Variants in NBL1 observed in about 807,000 individuals in gnomAD.
NBL1 encodes the protein NBL1, DAN family BMP antagonist, also known as neuroblastoma suppressor of tumorigenicity 1.
NBL1 carries 9 observed loss-of-function variants against 16.0 expected under a neutral mutation model. That is an observed-to-expected ratio of 0.56 (90% CI 0.34 to 0.98). NBL1 has a LOEUF of 0.98. Ranked by LOEUF, NBL1 falls within the 50% of genes least tolerant of loss-of-function variation. The probability of loss-of-function intolerance (pLI) is 0.02; values close to 1 mark genes in which losing one functional copy is unlikely to be tolerated. For missense variants in NBL1, 196 were observed against 243.1 expected (o/e 0.81, Z 1.29); for synonymous variants, 86 against 100.7 (o/e 0.85, Z 0.87).
Position 19,657,973 on chromosome 1 carries a change from G to A in NBL1, c.*844G>A, listed in dbSNP as rs1388735392. The A allele has an allele frequency of 6.5e-6, 1 of 152,892 alleles. No homozygotes were observed. Among genetic ancestry groups the A allele is most frequent in the Non-Finnish European group, 1.5e-5 (1 of 68,316 alleles). 9.5% of individuals were successfully genotyped at this position (152,892 alleles called of 1,614,324 possible). ...CTAGGCCCCCCAGAAAGCTGCCAGAGCCGGCCGCCTTCTCCCCTCTCCCAG... is the reference window on the plus strand; with the variant it reads ...CTAGGCCCCCCAGAAAGCTGCCAGAACCGGCCGCCTTCTCCCCTCTCCCAG... On this transcript the variant is annotated 3_prime_UTR_variant, in exon 4 of 4. Transcript: ENST00000375136.
chr1:19,643,410 T>C, upstream of NBL1: 1 of 1,613,332 alleles, frequency 6.2e-7, no homozygotes, highest in Non-Finnish European at 8.5e-7. The surrounding 1 kb of genome is among the most constrained non-coding windows in gnomAD (Gnocchi z 4.7). Flanking sequence ...AACTATGCTG[T>C]AAAGCAAAAT....
intron 1 of NBL1, among the ~76,000 whole-genome samples, chr1:19,649,969 GTTTTCTTTTC>G (rs111903141): frequency 2.0e-4 from 31 of 151,734 alleles, no homozygotes; most frequent in East Asian, 1.9e-3. Context: ...CCTACTTTAC[GTTTTCTTTTC>G]TTTTCTTTTC....
In NBL1 at chr1:19,644,839, G is replaced by A. The variant is rs912456276; in HGVS notation, c.-20+393G>A. 2.6e-5 allele frequency among the ~76,000 whole-genome samples: 4 copies of A among 152,064 alleles called. No individual in the cohort carries two copies. Among genetic ancestry groups the A allele is most frequent in the African/African-American group, 9.7e-5 (4 of 41,430 alleles). On this transcript the variant is annotated intron_variant, in intron 1 of 3. Coordinates refer to ENST00000375136, the MANE Select transcript of NBL1 (RefSeq NM_005380.8). The surrounding 1 kb of genome is among the most constrained non-coding windows in gnomAD (Gnocchi z 4.6). ...GGGCCTCGCCGCGCCGCGCCTCTCG[G>A]CTCTGGACGTTTCCGCCTCCCGCGG...
chr1:19,645,880 C>T, intron 1 of NBL1: 2 of 1,539,156 alleles, frequency 1.3e-6, no homozygotes, highest in Admixed American at 4.0e-5. Flanking sequence ...CACCCACAAC[C>T]TCAAGGGTCG....
At chr1:19,644,258 G>A (rs2094963740), upstream of NBL1, 15 of 978,870 alleles carry the variant, frequency 1.5e-5, no homozygotes, top group Non-Finnish European at 1.8e-5. The surrounding 1 kb of genome is among the most constrained non-coding windows in gnomAD (Gnocchi z 4.6). Context: ...TGTTTGGAGG[G>A]AGCCACCCTG....
rs540396919 is a variant in NBL1, at chr1:19,655,275, C to A, written c.171-49C>A. 1.3e-5 allele frequency: 21 copies of A among 1,612,474 alleles called. No homozygotes were observed. In the South Asian group the frequency reaches 2.2e-4, roughly 17 times the overall value. ...GAGGAAGAGGACCAGGGCTGCCCAT[C>A]CCTGCCTCCCCAACAGTGACACAGG... On this transcript the variant is annotated intron_variant, in intron 2 of 3. Coordinates refer to ENST00000375136, the MANE Select transcript of NBL1 (RefSeq NM_005380.8).
chr1:19,645,296 C>T (rs1045484051), intron 1 of NBL1: 34 of 919,870 alleles, frequency 3.7e-5, no homozygotes, highest in Admixed American at 1.8e-4. Context: ...ATTCCACCCC[C>T]GCGAGGCCGG....
intron 1 of NBL1, among the ~76,000 whole-genome samples, chr1:19,645,045 CTG>C (rs1271085183): frequency 1.3e-5 from 2 of 152,064 alleles, no homozygotes; most frequent in African/African-American, 4.8e-5. Context: ...GCGCTGCCCT[CTG>C]TGGGGGTCTC....
At chr1:19,649,649 C>T (rs748400333) in intron 1 of NBL1, among the ~76,000 whole-genome samples, 5 of 152,032 alleles carry the variant, frequency 3.3e-5, no homozygotes, top group South Asian at 2.1e-4. Flanking sequence ...TGAGCCACTG[C>T]GCCTGGCCTC....
chr1:19,644,474 G>C lies in NBL1; in HGVS notation c.-20+28G>C. 1.0e-6 allele frequency: 1 copy of C among 978,132 alleles called. No individual in the cohort carries two copies. The highest frequency in any genetic ancestry group is 1.2e-6 in the Non-Finnish European group (1 of 826,260). 60.6% of individuals were successfully genotyped at this position (978,132 alleles called of 1,614,324 possible). ...AAGTCCCGCCCGGGTCGGCACGCGG[G>C]CGCCCGGCTTCCAGAGGCTTCGGCC... On this transcript the variant is annotated intron_variant, in intron 1 of 3. Transcript: ENST00000375136. This position sits in a 1 kb window ranked among gnomAD's most constrained non-coding sequence, Gnocchi z 4.6.
Position 19,648,725 on chromosome 1 carries a change from G to T in NBL1, c.-20+4279G>T, listed in dbSNP as rs192069871. 5.6e-5 allele frequency among the ~76,000 whole-genome samples: 8 copies of T among 142,286 alleles called. No individual in the cohort carries two copies. In the East Asian group the frequency reaches 1.9e-3, roughly 33 times the overall value. The allele number at this position is 142,286 out of a possible 152,430, so 93.3% of individuals were successfully genotyped here. A position where few individuals can be genotyped will look rare whatever the true frequency, so the allele number is the denominator to read the frequency against. On this transcript the variant is annotated intron_variant, in intron 1 of 3. Transcript: ENST00000375136. Reference sequence around the variant, plus strand: ...TGGGCGGCAGCTCAGAATGTACCAGGCATTGGCAGAGGGCCGCTGAGGAAG... The same window carrying T: ...TGGGCGGCAGCTCAGAATGTACCAGTCATTGGCAGAGGGCCGCTGAGGAAG...
At chr1:19,651,400 G>A (rs1172085637) in intron 1 of NBL1, among the ~76,000 whole-genome samples, 1 of 152,192 alleles carries the variant, frequency 6.6e-6, no homozygotes, top group East Asian at 1.9e-4. Flanking sequence ...TGGAAGGTAA[G>A]GAGGGGGCCT....
intron 1 of NBL1, chr1:19,645,459 G>A (rs1294953467): frequency 4.0e-6 from 4 of 991,986 alleles, no homozygotes; most frequent in Non-Finnish European, 4.8e-6. Context: ...ACACTTCCAG[G>A]CTTTCGGAGG....
intron 3 of NBL1, among the ~76,000 whole-genome samples, chr1:19,656,026 G>T (rs982250928): frequency 6.6e-6 from 1 of 152,100 alleles, no homozygotes; most frequent in Admixed American, 6.5e-5. Context: ...CCCTGGTACC[G>T]TTGGCTCTCA....
intron 1 of NBL1, chr1:19,646,005 T>C (rs1477935845): frequency 2.6e-6 from 4 of 1,550,280 alleles, no homozygotes; most frequent in Non-Finnish European, 3.5e-6. Context: ...TTGGAGACTG[T>C]TTTTCGTTTG....
Position 19,649,197 on chromosome 1 carries a change from A to G in NBL1, c.-20+4751A>G, listed in dbSNP as rs577131443. On this transcript the variant is annotated intron_variant, in intron 1 of 3. Coordinates refer to ENST00000375136, the MANE Select transcript of NBL1 (RefSeq NM_005380.8). ...CCTGTTTACTAACAGTGTAAGCCCA[A>G]GCAGATTTCTTGGCCTCTCTGTGCC... 5.2e-4 allele frequency among the ~76,000 whole-genome samples: 79 copies of G among 152,162 alleles called. 1 individual carries two copies. The highest frequency in any genetic ancestry group is 1.9e-3 in the East Asian group (10 of 5,174).
In NBL1 at chr1:19,655,279, G is replaced by A. The variant is rs773289675; in HGVS notation, c.171-45G>A. 2.5e-6 allele frequency: 4 copies of A among 1,612,842 alleles called. No homozygotes were observed. The East Asian group carries it at 8.9e-5, about 36-fold the overall frequency. ...AAGAGGACCAGGGCTGCCCATCCCT[G>A]CCTCCCCAACAGTGACACAGGCATG... On this transcript the variant is annotated intron_variant, in intron 2 of 3. Coordinates refer to ENST00000375136, the MANE Select transcript of NBL1 (RefSeq NM_005380.8).
chr1:19,646,155 A>G (rs556476903), intron 1 of NBL1: 4 of 1,180,536 alleles, frequency 3.4e-6, no homozygotes, highest in African/African-American at 1.6e-5. Flanking sequence ...CAGTTGACTC[A>G]TGCTCTCCCC....
At chr1:19,652,558 G>T (rs1229632694) in intron 1 of NBL1, among the ~76,000 whole-genome samples, 1 of 152,158 alleles carries the variant, frequency 6.6e-6, no homozygotes, top group Admixed American at 6.5e-5. Flanking sequence ...CTGAGATGGA[G>T]ACCTGCAGGA....
Sources: gnomAD v4.1 joint callset for allele counts (sites outside exome capture counted in the v4.1 genomes callset) on GRCh38, gnomAD v4.1.1 for gene constraint, Gnocchi (gnomAD v3.1) non-coding constraint, MANE v1.5 for transcripts, NCBI Gene and HGNC (gene_info 2026-07-23, HGNC 2026-07-21) for gene names.